Variants in NSG1 observed in about 807,000 individuals in gnomAD.
NSG1 encodes the protein neuronal vesicle trafficking-associated protein 1.
In NSG1, 9 loss-of-function variants were observed where a neutral mutation model predicts 19.3. The ratio of observed to expected loss-of-function variants is 0.47; its 90% CI spans 0.28 to 0.81. The LOEUF (loss-of-function observed/expected upper bound fraction) is 0.81. Among genes scored for constraint, NSG1 ranks in the 40% least tolerant of loss-of-function variants. The pLI, the probability that NSG1 is intolerant of heterozygous loss-of-function variation, is 0.11. For synonymous variants in NSG1, 104 were observed against 107.0 expected (o/e 0.97, Z 0.17); for missense variants, 236 against 242.4 (o/e 0.97, Z 0.18).
At chr4:4,387,556 C>CCCCCCCGGGGGGGGGGGGGGGGGGG in intron 1 of NSG1, 48 bp from the exon 2 acceptor site, 5 of 741,700 alleles carry the variant, frequency 6.7e-6, no homozygotes, top group Non-Finnish European at 4.3e-6. Context: ...CCCCCCGCCC[C>CCCCCCCGGGGGGGGGGGGGGGGGGG]GCCCCGGGTC....
intron 3 of NSG1, among the ~76,000 whole-genome samples, chr4:4,405,485 C>G (rs532502275): frequency 2.0e-5 from 3 of 152,168 alleles, no homozygotes; most frequent in African/African-American, 7.2e-5. Context: ...ATGGTTCCCC[C>G]ACTTTGGCGA....
At chr4:4,392,899 TC>T (rs1723071079) in intron 3 of NSG1, among the ~76,000 whole-genome samples, 1 of 152,170 alleles carries the variant, frequency 6.6e-6, no homozygotes, top group African/African-American at 2.4e-5. Context: ...GCCGAGAGGC[TC>T]TTTTGGTGGC....
At chr4:4,415,857 C>T (rs557774879) in intron 4 of NSG1, 26 of 508,000 alleles carry the variant, frequency 5.1e-5, no homozygotes, top group South Asian at 4.2e-4. Flanking sequence ...CGTGAAGGGG[C>T]GTGGCGGTGA....
intron 4 of NSG1, among the ~76,000 whole-genome samples, chr4:4,412,628 CGTGT>C (rs1211390205): frequency 2.1e-4 from 32 of 152,170 alleles, no homozygotes. Flanking sequence ...CATATTTGTG[CGTGT>C]GTTTGTCACA....
chr4:4,397,966 C>T (rs4413357), intron 3 of NSG1, among the ~76,000 whole-genome samples: 96,339 of 151,760 alleles, frequency 0.63, 34,245 homozygotes, highest in East Asian at 0.97. Flanking sequence ...TTCTTTTTTA[C>T]TTTTTGAGAT....
At position 4,391,469 on chromosome 4, in the gene NSG1, G is replaced by T; in HGVS notation, c.130-6G>T. 1 of 1,600,418 alleles carries T rather than the reference G, an allele frequency of 6.2e-7. No individual in the cohort carries two copies. The highest frequency in any genetic ancestry group is 8.5e-7 in the Non-Finnish European group (1 of 1,171,234). On this transcript the variant is annotated splice_region_variant and splice_polypyrimidine_tract_variant and intron_variant, in intron 2 of 4. Coordinates refer to ENST00000621129, the MANE Select transcript of NSG1 (RefSeq NM_014392.5). ...CTGACTTTTGTTTCTCTGTTTCCTG[G>T]ATAAGGTGGTCGTGAAAACTAAGAC...
chr4:4,417,192 C>T, intron 4 of NSG1, 43 bp from the exon 5 acceptor site: 1 of 1,569,556 alleles, frequency 6.4e-7, no homozygotes, highest in Non-Finnish European at 8.8e-7. Flanking sequence ...CTGGCACCCC[C>T]TCTTGCACCG....
intron 3 of NSG1, among the ~76,000 whole-genome samples, chr4:4,393,144 G>A (rs954519815): frequency 2.6e-5 from 4 of 152,198 alleles, no homozygotes; most frequent in Admixed American, 1.3e-4. Flanking sequence ...GCTAAATGCT[G>A]TGTGATGTCT....
In NSG1 at chr4:4,391,498, G is replaced by C; in HGVS notation, c.153G>C (p.Glu51Asp). 6.2e-7 allele frequency: 1 copy of C among 1,612,858 alleles called. No homozygotes were observed. Residue 51 changes from glutamate (E) to aspartate (D), a missense_variant, in exon 3 of 5, where the codon GAG becomes GAC. Coordinates refer to ENST00000621129, the MANE Select transcript of NSG1 (RefSeq NM_014392.5). ...AGGTGGTCGTGAAAACTAAGACCGA[G>C]TATGAACCTGACCGCAAGAAAGGGA... Reference protein sequence around the residue: ...PDKVVVKTKTEYEPDRKKGKA... With the variant: ...PDKVVVKTKTDYEPDRKKGKA...
At chr4:4,402,036 A>T (rs1334997501) in intron 3 of NSG1, among the ~76,000 whole-genome samples, 1 of 131,680 alleles carries the variant, frequency 7.6e-6, no homozygotes. Flanking sequence ...GCTTACCCCC[A>T]TGCCCAGCTA....
chr4:4,400,805 T>C (rs1329944340), intron 3 of NSG1, among the ~76,000 whole-genome samples: 1 of 152,366 alleles, frequency 6.6e-6, no homozygotes. Context: ...CATGGTTCCT[T>C]TGAAGCCACA....
chr4:4,403,503 A>G (rs1395171393), intron 3 of NSG1, among the ~76,000 whole-genome samples: 1 of 152,128 alleles, frequency 6.6e-6, no homozygotes, highest in African/African-American at 2.4e-5. Context: ...CCTCCTCAGC[A>G]GGGGCACCTC....
chr4:4,392,135 T>C (rs1259743473), intron 3 of NSG1, among the ~76,000 whole-genome samples: 4 of 151,772 alleles, frequency 2.6e-5, no homozygotes, highest in African/African-American at 9.7e-5. Context: ...GGGTCTGGCT[T>C]TGGGCCTGTG....
intron 3 of NSG1, among the ~76,000 whole-genome samples, chr4:4,399,637 T>A (rs1414665579): frequency 6.6e-6 from 1 of 152,206 alleles, no homozygotes; most frequent in Non-Finnish European, 1.5e-5. Flanking sequence ...TGGTGAAGTA[T>A]CATTTATTTT....
intron 3 of NSG1, among the ~76,000 whole-genome samples, chr4:4,400,857 C>A (rs1156460487): frequency 6.6e-6 from 1 of 152,216 alleles, no homozygotes; most frequent in Non-Finnish European, 1.5e-5. Flanking sequence ...GCATATCTAT[C>A]ACAAATTTAT....
chr4:4,405,234 C>T (rs1023579998), intron 3 of NSG1, among the ~76,000 whole-genome samples: 1 of 152,182 alleles, frequency 6.6e-6, no homozygotes, highest in East Asian at 1.9e-4. Flanking sequence ...TCCGTCCTCA[C>T]GCGGCCCTCT....
chr4:4,413,477 C>T (rs1724336570), intron 4 of NSG1, among the ~76,000 whole-genome samples: 1 of 150,928 alleles, frequency 6.6e-6, no homozygotes, highest in Non-Finnish European at 1.5e-5. Flanking sequence ...GACACCAGGG[C>T]TTTACAACAA....
chr4:4,393,837 T>C (rs1467917423), intron 3 of NSG1, among the ~76,000 whole-genome samples: 1 of 152,122 alleles, frequency 6.6e-6, no homozygotes, highest in African/African-American at 2.4e-5. Flanking sequence ...CGCCTGCTGC[T>C]TCCCAGACCC....
In NSG1 at chr4:4,418,508, C is replaced by G. The variant is rs749718012; in HGVS notation, c.*1073C>G. The G allele has an allele frequency of 3.3e-5, 5 of 152,552 alleles. No homozygotes were observed. The highest frequency in any genetic ancestry group is 7.3e-5 in the Non-Finnish European group (5 of 68,030). 9.4% of individuals were successfully genotyped at this position (152,552 alleles called of 1,614,324 possible). A position where few individuals can be genotyped will look rare whatever the true frequency, so the allele number is the denominator to read the frequency against. On this transcript the variant is annotated 3_prime_UTR_variant, in exon 5 of 5. Coordinates refer to ENST00000621129, the MANE Select transcript of NSG1 (RefSeq NM_014392.5). ...TCACAATCTTTGTAAGAAAATTGTTCCAGTTTGAATCTTGATATTAAAGTT... is the reference window on the plus strand; with the variant it reads ...TCACAATCTTTGTAAGAAAATTGTTGCAGTTTGAATCTTGATATTAAAGTT...
Sources: gnomAD v4.1 joint callset for allele counts (sites outside exome capture counted in the v4.1 genomes callset) on GRCh38, gnomAD v4.1.1 for gene constraint, MANE v1.5 for transcripts, NCBI Gene and HGNC (gene_info 2026-07-23, HGNC 2026-07-21) for gene names.